The following SOS2 variants were observed in gnomAD, a reference collection of about 807,000 sequenced individuals.
The protein encoded by SOS2 is son of sevenless homolog 2.
In SOS2, 65 loss-of-function variants were observed where a neutral mutation model predicts 148.2. The ratio of observed to expected loss-of-function variants is 0.44; its 90% confidence interval spans 0.36 to 0.54. The LOEUF (loss-of-function observed/expected upper bound fraction) is 0.54. Among genes scored for constraint, SOS2 ranks in the 20% least tolerant of loss-of-function variants. The probability of loss-of-function intolerance (pLI) is 0.00; values close to 1 mark genes in which losing one functional copy is unlikely to be tolerated. For missense variants in SOS2, 1,341 were observed against 1,590.2 expected, an observed-to-expected ratio of 0.84 and a Z score of 2.67; for synonymous variants, 539 against 537.1, an observed-to-expected ratio of 1.00 and a Z score of -0.05.
intron 1 of SOS2, 80 bp downstream of exon 1, chr14:50,231,117 G>C: frequency 1.1e-6 from 1 of 879,498 alleles, no homozygotes; most frequent in Non-Finnish European, 1.6e-6. Flanking sequence ...CTCGAGCCCT[G>C]TGGGAGGGAC....
chr14:50,179,266 C>T (rs1026007986), intron 7 of SOS2, among the ~76,000 whole-genome samples: 4 of 152,054 alleles, frequency 2.6e-5, no homozygotes, highest in African/African-American at 9.7e-5. Flanking sequence ...ACTTTCTTCA[C>T]TCTAGTTAAT....
chr14:50,178,734 A>ATATG (rs1885625157), intron 7 of SOS2, among the ~76,000 whole-genome samples: 1 of 134,670 alleles, frequency 7.4e-6, no homozygotes, highest in Non-Finnish European at 1.6e-5. Flanking sequence ...ACACACATAT[A>ATATG]TATATATATA....
intron 21 of SOS2, among the ~76,000 whole-genome samples, chr14:50,121,522 TC>T (rs1256623660): frequency 2.0e-4 from 6 of 29,604 alleles, no homozygotes; most frequent in East Asian, 1.3e-3. Context: ...TGCAGTTACT[TC>T]CTGGGGGAGG....
chr14:50,178,664 GTGTGTGCATATATATATA>G (rs1376560815), intron 7 of SOS2, among the ~76,000 whole-genome samples: 683 of 15,804 alleles, frequency 0.043, 15 homozygotes, highest in African/African-American at 0.12. Context: ...GTGTGTGTGT[GTGTGTGCATATATATATA>G]TATATATATA....
chr14:50,124,268 A>G lies in SOS2; in HGVS notation c.3380-3884T>C, dbSNP rs1883617011. On this transcript the variant is annotated intron_variant, in intron 21 of 22. Transcript: ENST00000216373. ...TGAGTCCTAAGGCCTTCCAATGTCA[A>G]TAGTTTGGGAAGGTGAGGAGGAACC... 3.3e-5 allele frequency among the ~76,000 whole-genome samples: 5 copies of G among 152,172 alleles called. No homozygotes were observed. In the South Asian group the frequency reaches 8.3e-4, roughly 25 times the overall value.
intron 7 of SOS2, among the ~76,000 whole-genome samples, chr14:50,178,668 GTGCATATATA>G (rs60880362): frequency 0.14 from 9,239 of 68,254 alleles, 460 homozygotes; most frequent in Non-Finnish European, 0.16. Context: ...GTGTGTGTGT[GTGCATATATA>G]TATATATATA....
At chr14:50,198,642 T>G (rs1886387890) in intron 4 of SOS2, among the ~76,000 whole-genome samples, 1 of 152,208 alleles carries the variant, frequency 6.6e-6, no homozygotes, top group African/African-American at 2.4e-5. Context: ...CACCAGCATG[T>G]GCTAGGTCCT....
chr14:50,204,091 G>GC (rs988400781), intron 2 of SOS2, among the ~76,000 whole-genome samples, 193 bp downstream of exon 2: 1 of 146,784 alleles, frequency 6.8e-6, no homozygotes, highest in Non-Finnish European at 1.5e-5. Flanking sequence ...GTTGTTCTAA[G>GC]TTTTTTTTTT....
Position 50,136,442 on chromosome 14 carries a change from G to A in SOS2, c.2958+2170C>T, listed in dbSNP as rs73281481. ...CTAAAAGTACTATTTCAAGCATACC[G>A]AATTAAAGTGTAACATTATTCCTGT... On this transcript the variant is annotated intron_variant, in intron 18 of 22. Coordinates refer to ENST00000216373, the MANE Select transcript of SOS2 (RefSeq NM_006939.4). Among the ~76,000 whole-genome samples the A allele has an allele frequency of 6.2e-3, 939 of 152,236 alleles. 13 individuals are homozygous for A. Among genetic ancestry groups the A allele is most frequent in the African/African-American group, 0.021 (886 of 41,530 alleles).
chr14:50,137,339 T>C lies in SOS2; in HGVS notation c.2958+1273A>G, dbSNP rs139626252. ...TTTTCCTATTTAAACACACTGTTCT[T>C]ATGAATTATATAACGTTATTTTGCT... On this transcript the variant is annotated intron_variant, in intron 18 of 22. Coordinates refer to ENST00000216373, the MANE Select transcript of SOS2 (RefSeq NM_006939.4). Among the ~76,000 whole-genome samples the C allele has an allele frequency of 2.0e-3, 301 of 152,310 alleles. 2 individuals are homozygous for C. Among genetic ancestry groups the C allele is most frequent in the African/African-American group, 6.4e-3 (264 of 41,574 alleles).
intron 9 of SOS2, among the ~76,000 whole-genome samples, 196 bp from the exon 10 acceptor site, chr14:50,160,282 C>G (rs1434060314): frequency 6.7e-6 from 1 of 149,946 alleles, no homozygotes; most frequent in Non-Finnish European, 1.5e-5. Flanking sequence ...ACTACTGGCT[C>G]TATAAGAACT....
Position 50,145,509 on chromosome 14 carries a change from G to A in SOS2, c.2472C>T (p.Arg824=), listed in dbSNP as rs1368733502. 1 of 1,606,724 alleles carries A rather than the reference G, an allele frequency of 6.2e-7. No homozygotes were observed. The part of the protein sequence containing the change: ...INSPNLLKMI[R]HTTNLTLWFE... ...ACCAGAGGGTGAGATTTGTGGTATG[G>A]CGAATCATTTTTAATAAATTTGGAG... is the stretch of plus-strand genomic sequence containing the variant. Residue 824 remains arginine (R), a synonymous_variant, in exon 15 of 23, where the codon CGC becomes CGT. Transcript: ENST00000216373.
chr14:50,126,095 C>T (rs1010326113), intron 21 of SOS2, among the ~76,000 whole-genome samples: 1 of 152,152 alleles, frequency 6.6e-6, no homozygotes, highest in Non-Finnish European at 1.5e-5. Flanking sequence ...CAGTTTCCCC[C>T]TCATTCTAAA....
intron 14 of SOS2, among the ~76,000 whole-genome samples, chr14:50,147,654 G>A (rs1195324845): frequency 6.6e-6 from 1 of 152,144 alleles, no homozygotes; most frequent in East Asian, 1.9e-4. Context: ...AGGGGAAAGA[G>A]AGCAATAAGA....
At chr14:50,210,598 G>C (rs978285223) in intron 1 of SOS2, among the ~76,000 whole-genome samples, 7 of 151,894 alleles carry the variant, frequency 4.6e-5, no homozygotes, top group African/African-American at 7.3e-5. Context: ...AAAGTAAAAA[G>C]GCAAGTTACA....
At chr14:50,218,562 A>G (rs1887107933) in intron 1 of SOS2, among the ~76,000 whole-genome samples, 1 of 151,900 alleles carries the variant, frequency 6.6e-6, no homozygotes, top group Non-Finnish European at 1.5e-5. Context: ...AAACAAAACA[A>G]CTCAACAAAA....
At chr14:50,176,541 A>C (rs1885528168) in intron 7 of SOS2, among the ~76,000 whole-genome samples, 1 of 152,260 alleles carries the variant, frequency 6.6e-6, no homozygotes, top group South Asian at 2.1e-4. Context: ...TCCTCTGATA[A>C]TAACAGGAGC....
chr14:50,158,630 A>G lies in SOS2; in HGVS notation c.1869T>C (p.Arg623=), dbSNP rs757553139. ...ATGAACGATATGTGGTAAGAAAAGTACGAACAAAATTGGGATCTGAAAAGG... is the reference window on the plus strand; with the variant it reads ...ATGAACGATATGTGGTAAGAAAAGTGCGAACAAAATTGGGATCTGAAAAGG... ...YHMYADPNFV[R]TFLTTYRSFC... is the part of the protein sequence containing the mutation. The change falls in exon 11 of 23, where the codon CGT becomes CGC. Residue 623 remains arginine (R), a synonymous_variant. Transcript: ENST00000216373. 1.9e-6 allele frequency: 3 copies of G among 1,607,814 alleles called. No homozygotes were observed. Among genetic ancestry groups the G allele is most frequent in the South Asian group, 2.2e-5 (2 of 90,352 alleles).
chr14:50,231,155 G>T, intron 1 of SOS2, 42 bp downstream of exon 1: 1 of 1,220,316 alleles, frequency 8.2e-7, no homozygotes, highest in Non-Finnish European at 1.1e-6. Flanking sequence ...AAGCTCGGGG[G>T]GCCACGGGCC....
Sources: gnomAD v4.1 joint callset for allele counts (sites outside exome capture counted in the v4.1 genomes callset) on GRCh38, gnomAD v4.1.1 for gene constraint, MANE v1.5 for transcripts, NCBI Gene and HGNC (gene_info 2026-07-23, HGNC 2026-07-21) for gene names.